CSMD1: variants seen among roughly 807,000 people sequenced by gnomAD.
CSMD1 encodes the protein CUB and sushi domain-containing protein 1.
In CSMD1, 213 loss-of-function variants were observed where a neutral mutation model predicts 417.5. The observed-to-expected ratio is 0.51, with a 90% CI of 0.46 to 0.57. The LOEUF is 0.57. Among genes scored for constraint, CSMD1 ranks in the 20% least tolerant of loss-of-function variants. The probability of loss-of-function intolerance (pLI) is 0.00; values close to 1 mark genes in which losing one functional copy is unlikely to be tolerated. For missense variants in CSMD1, 6,923 were observed against 4,529.7 expected, an observed-to-expected ratio of 1.53 and a Z score of -15.17; for synonymous variants, 2,862 against 1,736.8, an observed-to-expected ratio of 1.65 and a Z score of -16.11.
chr8:3,043,469 C>G (rs745655548), intron 50 of CSMD1, among the ~76,000 whole-genome samples: 2 of 151,916 alleles, frequency 1.3e-5, no homozygotes, highest in African/African-American at 4.8e-5. Flanking sequence ...GAGTATCAAG[C>G]TAGTATTGCT....
chr8:4,449,230 A>G (rs1228734071), intron 2 of CSMD1, among the ~76,000 whole-genome samples: 1 of 152,316 alleles, frequency 6.6e-6, no homozygotes, highest in Non-Finnish European at 1.5e-5. Context: ...GAATAATTAC[A>G]CTGTCTATGC....
intron 5 of CSMD1, among the ~76,000 whole-genome samples, chr8:3,819,835 G>C (rs561519490): frequency 6.6e-6 from 1 of 152,068 alleles, no homozygotes; most frequent in Non-Finnish European, 1.5e-5. Flanking sequence ...GTGACCCATC[G>C]CACCTGGCCT....
In CSMD1 at chr8:3,248,384, T is replaced by G. The variant is rs143001335; in HGVS notation, c.4154-18153A>C. ...CAATTTGAATAAAAATTACATAATC[T>G]TCCCACCTATGAAGTCCTTTAAAAC... On this transcript the variant is annotated intron_variant, in intron 26 of 69. Transcript: ENST00000635120. Among the ~76,000 whole-genome samples the G allele has an allele frequency of 3.1e-3, 472 of 152,236 alleles. 6 individuals are homozygous for G. The highest frequency in any genetic ancestry group is 0.011 in the African/African-American group (446 of 41,516).
At position 3,240,604 on chromosome 8, in the gene CSMD1, A is replaced by G. The variant is rs923336169; in HGVS notation, c.4154-10373T>C. ...GCTTTGCGGCAGTACAGCCCGGGTAATCTGCTGAGCCTGATGGGTGTCAGG... is the reference window on the plus strand; with the variant it reads ...GCTTTGCGGCAGTACAGCCCGGGTAGTCTGCTGAGCCTGATGGGTGTCAGG... On this transcript the variant is annotated intron_variant, in intron 26 of 69. Transcript: ENST00000635120. 2.6e-5 allele frequency among the ~76,000 whole-genome samples: 4 copies of G among 152,124 alleles called. No homozygotes were observed. The East Asian group carries it at 5.8e-4, about 22-fold the overall frequency.
At chr8:4,866,737 T>A (rs1472293410) in intron 1 of CSMD1, among the ~76,000 whole-genome samples, 1 of 151,994 alleles carries the variant, frequency 6.6e-6, no homozygotes, top group Non-Finnish European at 1.5e-5. Context: ...TCAACCTCGA[T>A]CGTTCAAACT....
intron 11 of CSMD1, among the ~76,000 whole-genome samples, chr8:3,478,111 G>A (rs971086672): frequency 8.5e-5 from 13 of 152,080 alleles, no homozygotes; most frequent in African/African-American, 2.7e-4. Context: ...TCATGCACAC[G>A]CCTCACTCAA....
intron 8 of CSMD1, among the ~76,000 whole-genome samples, chr8:3,592,518 A>G (rs1017196725): frequency 3.9e-5 from 6 of 152,104 alleles, no homozygotes; most frequent in African/African-American, 1.4e-4. Context: ...TAAAATGGAG[A>G]TGGATGGCAT....
chr8:3,239,825 G>C (rs1799382091), intron 26 of CSMD1, among the ~76,000 whole-genome samples: 3 of 152,284 alleles, frequency 2.0e-5, no homozygotes, highest in East Asian at 1.9e-4. Context: ...GTGAATGTCA[G>C]ATGGATCAGA....
intron 5 of CSMD1, among the ~76,000 whole-genome samples, chr8:3,908,864 G>A (rs752492036): frequency 9.2e-5 from 14 of 152,172 alleles, no homozygotes; most frequent in Admixed American, 7.2e-4. Context: ...ATGTTACTGT[G>A]AGGTAATATA....
At chr8:4,838,957 T>C (rs1211280673) in intron 1 of CSMD1, among the ~76,000 whole-genome samples, 1 of 152,246 alleles carries the variant, frequency 6.6e-6, no homozygotes, top group Non-Finnish European at 1.5e-5. Context: ...ATTCAGCAAT[T>C]CATAATTTTT....
intron 39 of CSMD1, among the ~76,000 whole-genome samples, chr8:3,153,827 G>C (rs1209244950): frequency 6.6e-6 from 1 of 152,158 alleles, no homozygotes; most frequent in Non-Finnish European, 1.5e-5. Context: ...TGTCAAACAT[G>C]CATCAATCAC....
intron 7 of CSMD1, among the ~76,000 whole-genome samples, chr8:3,638,901 G>A (rs1797173063): frequency 6.6e-6 from 1 of 152,182 alleles, no homozygotes; most frequent in Non-Finnish European, 1.5e-5. Context: ...AAGTGAAGAA[G>A]GGACTCCGAA....
intron 3 of CSMD1, among the ~76,000 whole-genome samples, chr8:4,401,199 A>G (rs1045886182): frequency 1.3e-5 from 2 of 152,188 alleles, no homozygotes; most frequent in African/African-American, 4.8e-5. Context: ...AAAACTCTTC[A>G]AACGGTTTCT....
intron 25 of CSMD1, among the ~76,000 whole-genome samples, chr8:3,302,464 A>T (rs554059987): frequency 1.3e-5 from 2 of 152,016 alleles, no homozygotes; most frequent in East Asian, 1.9e-4. Flanking sequence ...AATTCCATTT[A>T]TGTGTGATTT....
intron 10 of CSMD1, among the ~76,000 whole-genome samples, chr8:3,528,822 G>T (rs745326568): frequency 6.6e-6 from 1 of 152,156 alleles, no homozygotes; most frequent in Admixed American, 6.5e-5. Context: ...ACTGGAAATA[G>T]TTCTCCATTT....
In CSMD1 at chr8:3,107,708, A is replaced by T. The variant is rs771045529; in HGVS notation, c.6835+10T>A. 3 of 1,507,596 alleles carry T rather than the reference A, an allele frequency of 2.0e-6. No homozygotes were observed. In the Admixed American group the frequency reaches 5.4e-5, roughly 27 times the overall value. The allele number at this position is 1,507,596 out of a possible 1,614,324, so 93.4% of individuals were successfully genotyped here. ...CTGAATTCATGGTATTGTAATGAAGAAAGTATTACCTATTTCGAAATCATC... is the reference window on the plus strand; with the variant it reads ...CTGAATTCATGGTATTGTAATGAAGTAAGTATTACCTATTTCGAAATCATC... On this transcript the variant is annotated intron_variant, in intron 45 of 69. Transcript: ENST00000635120.
At chr8:4,160,537 G>C (rs963189822) in intron 3 of CSMD1, among the ~76,000 whole-genome samples, 3 of 152,222 alleles carry the variant, frequency 2.0e-5, no homozygotes, top group Non-Finnish European at 4.4e-5. Context: ...AGGAAAAGGA[G>C]ATTTTCAGGT....
intron 3 of CSMD1, among the ~76,000 whole-genome samples, chr8:4,177,394 C>T (rs1334833613): frequency 6.6e-6 from 1 of 151,938 alleles, no homozygotes; most frequent in Non-Finnish European, 1.5e-5. Context: ...AGAACAAAGA[C>T]ACAACATACC....
chr8:4,771,159 T>C (rs1796577118), intron 1 of CSMD1, among the ~76,000 whole-genome samples: 2 of 152,174 alleles, frequency 1.3e-5, no homozygotes, highest in African/African-American at 4.8e-5. Flanking sequence ...TAAACACACA[T>C]TACACAGAGA....
Sources: gnomAD v4.1 joint callset for allele counts (sites outside exome capture counted in the v4.1 genomes callset) on GRCh38, gnomAD v4.1.1 for gene constraint, MANE v1.5 for transcripts, NCBI Gene and HGNC (gene_info 2026-07-23, HGNC 2026-07-21) for gene names.